ADAM29: variants seen among roughly 807,000 people sequenced by gnomAD.
ADAM29 encodes ADAM metallopeptidase domain 29.
For synonymous variants in ADAM29, 367 were observed against 342.3 expected, an observed-to-expected ratio of 1.07 and a Z score of -0.80; for missense variants, 969 against 1,001.8, an observed-to-expected ratio of 0.97 and a Z score of 0.44.
chr4:174,961,168 T>C (rs889022424), intron 4 of ADAM29, among the ~76,000 whole-genome samples: 4 of 152,024 alleles, frequency 2.6e-5, no homozygotes, highest in African/African-American at 9.7e-5. Context: ...TGTAATATTG[T>C]CTTTTGACAC....
intron 2 of ADAM29, among the ~76,000 whole-genome samples, chr4:174,925,815 T>C (rs972389962): frequency 7.2e-5 from 11 of 152,202 alleles, no homozygotes; most frequent in Non-Finnish European, 1.3e-4. Context: ...TGATAATAAT[T>C]GCTTGAGAAG....
At chr4:174,945,831 G>T (rs965378001) in intron 4 of ADAM29, among the ~76,000 whole-genome samples, 3 of 151,988 alleles carry the variant, frequency 2.0e-5, no homozygotes, top group Admixed American at 2.0e-4. Flanking sequence ...TGAGTGCTCT[G>T]TTCCATTTCT....
At chr4:174,934,810 A>C (rs1402421682) in intron 3 of ADAM29, among the ~76,000 whole-genome samples, 1 of 152,134 alleles carries the variant, frequency 6.6e-6, no homozygotes, top group Non-Finnish European at 1.5e-5. Flanking sequence ...GTTCATCTGA[A>C]ATGGGACCTT....
chr4:174,942,624 C>A (rs1049242474), intron 4 of ADAM29, among the ~76,000 whole-genome samples: 2 of 152,268 alleles, frequency 1.3e-5, no homozygotes, highest in East Asian at 3.9e-4. Flanking sequence ...CAGTTGGGCC[C>A]TGAGTCTGGC....
rs866605724 is a variant in ADAM29, at chr4:174,969,867, T to C, written c.-180-5479T>C. ...AATGCTATGATATTTTTCCCATAAA[T>C]ATTTGATTAAATTACTTAATATTAC... On this transcript the variant is annotated intron_variant, in intron 4 of 4. Coordinates refer to ENST00000359240, the MANE Select transcript of ADAM29 (RefSeq NM_014269.4). Among the ~76,000 whole-genome samples, 123 of 152,198 alleles carry C rather than the reference T, an allele frequency of 8.1e-4. No individual in the cohort carries two copies. The Middle Eastern group carries it at 0.01, about 13-fold the overall frequency.
chr4:174,924,283 T>C lies in ADAM29; in HGVS notation c.-451+3491T>C, dbSNP rs75577551. 7.3e-3 allele frequency among the ~76,000 whole-genome samples: 1,115 copies of C among 152,264 alleles called. 10 individuals are homozygous for C. The highest frequency in any genetic ancestry group is 0.025 in the African/African-American group (1,024 of 41,560). ...TAGGAAATTGCAAATTAAGACAAAA[T>C]GCTGCTACATACTTGTTAAAGAGGT... is the stretch of plus-strand genomic sequence containing the variant. On this transcript the variant is annotated intron_variant, in intron 2 of 4. Transcript: ENST00000359240.
intron 2 of ADAM29, among the ~76,000 whole-genome samples, chr4:174,928,745 C>T (rs181327281): frequency 6.6e-6 from 1 of 151,986 alleles, no homozygotes; most frequent in Non-Finnish European, 1.5e-5. Flanking sequence ...CATGATTCGG[C>T]CATCTGTGTT....
intron 4 of ADAM29, among the ~76,000 whole-genome samples, chr4:174,951,996 C>T (rs7697327): frequency 0.42 from 63,644 of 151,796 alleles, 13,888 homozygotes; most frequent in African/African-American, 0.54. Context: ...CTTGAAAATT[C>T]CCAAGAGAGT....
chr4:174,928,644 G>A (rs1743668087), intron 2 of ADAM29, among the ~76,000 whole-genome samples: 3 of 151,018 alleles, frequency 2.0e-5, no homozygotes, highest in Admixed American at 2.0e-4. Context: ...TTGCAATAGG[G>A]GAGAGAGACT....
In ADAM29 at chr4:174,945,994, A is replaced by G. The variant is rs1236128025; in HGVS notation, c.-181+8981A>G. Among the ~76,000 whole-genome samples, 3 of 152,090 alleles carry G rather than the reference A, an allele frequency of 2.0e-5. No homozygotes were observed. In the East Asian group the frequency reaches 5.8e-4, roughly 29 times the overall value. ...TTTGAGCCTTTTTTGATTCCATATG[A>G]ATTTTTCAAAACTTTTTTTCTAATT... On this transcript the variant is annotated intron_variant, in intron 4 of 4. Coordinates refer to ENST00000359240, the MANE Select transcript of ADAM29 (RefSeq NM_014269.4).
At chr4:174,955,350 A>T (rs1745441462) in intron 4 of ADAM29, among the ~76,000 whole-genome samples, 1 of 151,944 alleles carries the variant, frequency 6.6e-6, no homozygotes, top group Non-Finnish European at 1.5e-5. Context: ...GAAGAAGAAG[A>T]CATGAATTAA....
chr4:174,931,428 G>C (rs1743867689), intron 3 of ADAM29: 2 of 152,108 alleles, frequency 1.3e-5, no homozygotes, highest in South Asian at 4.1e-4. Context: ...CAGATTCATT[G>C]AATTTCTTTT....
At chr4:174,923,455 A>C (rs1743284577) in intron 2 of ADAM29, among the ~76,000 whole-genome samples, 1 of 149,366 alleles carries the variant, frequency 6.7e-6, no homozygotes. Flanking sequence ...CTGTTTCTTC[A>C]GATCAATGTC....
intron 4 of ADAM29, among the ~76,000 whole-genome samples, chr4:174,962,871 T>C (rs1014471046): frequency 1.1e-4 from 17 of 152,212 alleles, no homozygotes; most frequent in African/African-American, 4.1e-4. Context: ...AATTTAGTGT[T>C]GATAATTGAG....
At chr4:174,966,840 T>C (rs138813934) in intron 4 of ADAM29, among the ~76,000 whole-genome samples, 129 of 152,320 alleles carry the variant, frequency 8.5e-4, no homozygotes, top group African/African-American at 3.1e-3. Flanking sequence ...AGCATATATT[T>C]GTAGCAGAAT....
chr4:174,957,257 T>A (rs1302810864), intron 4 of ADAM29, among the ~76,000 whole-genome samples: 1 of 151,880 alleles, frequency 6.6e-6, no homozygotes, highest in Non-Finnish European at 1.5e-5. Flanking sequence ...TTAATCAACA[T>A]TTATTGAGTA....
At position 174,976,295 on chromosome 4, in the gene ADAM29, T is replaced by C. The variant is rs747440424; in HGVS notation, c.770T>C (p.Ile257Thr). Residue 257 changes from isoleucine to threonine, a missense_variant, in exon 5 of 5, where the codon ATT (isoleucine) becomes ACT (threonine). By Grantham distance (89) the Ile-to-Thr change is moderately conservative. Coordinates refer to ENST00000359240, the MANE Select transcript of ADAM29 (RefSeq NM_014269.4). ...GLEIWTNKNL[I>T]VVDDVRKSVH... is the part of the protein sequence containing the mutation. ...GAGATCTGGACCAATAAAAACCTCA[T>C]TGTAGTAGATGATGTAAGGAAATCT... 6 of 1,612,232 alleles carry C rather than the reference T, an allele frequency of 3.7e-6. No homozygotes were observed. In the Admixed American group the frequency reaches 5.0e-5, roughly 14 times the overall value.
intron 4 of ADAM29, among the ~76,000 whole-genome samples, chr4:174,952,503 C>G (rs1745239700): frequency 6.6e-6 from 1 of 152,082 alleles, no homozygotes; most frequent in Admixed American, 6.6e-5. Context: ...CAGAAGATTT[C>G]AGATATCCAG....
intron 4 of ADAM29, among the ~76,000 whole-genome samples, chr4:174,960,892 G>A (rs1560884506): frequency 6.6e-6 from 1 of 152,112 alleles, no homozygotes; most frequent in Non-Finnish European, 1.5e-5. Context: ...GAGATTCATA[G>A]CAACCAATCA....
Sources: gnomAD v4.1 joint callset for allele counts (sites outside exome capture counted in the v4.1 genomes callset) on GRCh38, gnomAD v4.1.1 for gene constraint, MANE v1.5 for transcripts, NCBI Gene and HGNC (gene_info 2026-07-23, HGNC 2026-07-21) for gene names.